The following CEP192 variants were observed in gnomAD, a reference collection of about 807,000 sequenced individuals.
CEP192 encodes centrosomal protein 192, also known as centrosomal protein of 192 kDa.
In CEP192, 151 loss-of-function variants were observed where a neutral mutation model predicts 271.8. The observed-to-expected ratio is 0.56, with a 90% CI of 0.49 to 0.64. CEP192 has a LOEUF of 0.64. Ranked by LOEUF, CEP192 falls within the 30% of genes least tolerant of loss-of-function variation. The pLI is 0.00. For missense variants in CEP192, 2,910 were observed against 3,020.5 expected, an observed-to-expected ratio of 0.96 and a Z score of 0.86; for synonymous variants, 995 against 1,076.5, an observed-to-expected ratio of 0.92 and a Z score of 1.48.
At chr18:13,098,397 G>A (rs2039522608) in intron 36 of CEP192, among the ~76,000 whole-genome samples, 1 of 151,992 alleles carries the variant, frequency 6.6e-6, no homozygotes, top group Non-Finnish European at 1.5e-5. Flanking sequence ...GCGGCTGCCG[G>A]GCGGAGGGGC....
chr18:13,096,280 C>T lies in CEP192; in HGVS notation c.6530C>T (p.Thr2177Met), dbSNP rs138769507. 17 of 1,613,876 alleles carry T rather than the reference C, an allele frequency of 1.1e-5. No individual in the cohort carries two copies. The highest frequency in any genetic ancestry group is 1.7e-4 in the Middle Eastern group (1 of 6,058). The change falls in exon 36 of 45, where the codon ACG becomes ATG. Residue 2177 changes from threonine to methionine, a missense_variant. Transcript: ENST00000506447. ...TGGCCAGCGCATTGCCTCACAGTCA[C>T]GCCGCAGCATGGATGTGTCGCGCCA... is the stretch of plus-strand genomic sequence containing the variant. ...LCWPAHCLTV[T>M]PQHGCVAPES... is the part of the protein sequence containing the mutation.
At chr18:13,077,885 A>G (rs772132483) in intron 30 of CEP192, among the ~76,000 whole-genome samples, 75 of 152,200 alleles carry the variant, frequency 4.9e-4, no homozygotes, top group Non-Finnish European at 3.4e-4. Flanking sequence ...ACATTTTGCT[A>G]TATTTCTTCT....
chr18:13,064,630 AG>A (rs1229512693), intron 21 of CEP192, among the ~76,000 whole-genome samples: 1 of 150,056 alleles, frequency 6.7e-6, no homozygotes, highest in Non-Finnish European at 1.5e-5. Flanking sequence ...AAAAAAAAAA[AG>A]AGTTGACTGT....
intron 40 of CEP192, among the ~76,000 whole-genome samples, chr18:13,107,310 A>G (rs1385057694): frequency 6.6e-6 from 1 of 152,232 alleles, no homozygotes; most frequent in Non-Finnish European, 1.5e-5. Context: ...AGGCTGAGCA[A>G]TACAGTGAGA....
chr18:13,011,635 G>A (rs1389949699), intron 4 of CEP192, among the ~76,000 whole-genome samples: 2 of 152,074 alleles, frequency 1.3e-5, no homozygotes, highest in East Asian at 3.9e-4. Flanking sequence ...TCCTGCCTCA[G>A]CCTCGCAAGT....
rs572568165 is a variant in CEP192, at chr18:13,016,843, A to C, written c.641-345A>C. Among the ~76,000 whole-genome samples the C allele has an allele frequency of 3.9e-5, 6 of 152,102 alleles. No individual in the cohort carries two copies. In the East Asian group the frequency reaches 1.2e-3, roughly 29 times the overall value. ...TACTTCTCCTGTGATAGGCTCATCT[A>C]TACTTTTTTGAAAGAGGTAACCATT... On this transcript the variant is annotated intron_variant, in intron 6 of 44. Coordinates refer to ENST00000506447, the MANE Select transcript of CEP192 (RefSeq NM_032142.4).
At chr18:13,116,541 C>G (rs770906313) in intron 43 of CEP192, 38 bp downstream of exon 43, 1 of 1,540,604 alleles carries the variant, frequency 6.5e-7, no homozygotes, top group South Asian at 1.2e-5. Context: ...TGGAAAAATA[C>G]ATGCATTCAA....
rs761507968 is a variant in CEP192, at chr18:13,071,133, G to A, written c.5269G>A (p.Gly1757Arg). 1 of 1,614,082 alleles carries A rather than the reference G, an allele frequency of 6.2e-7. No homozygotes were observed. The highest frequency in any genetic ancestry group is 8.5e-7 in the Non-Finnish European group (1 of 1,179,958). Residue 1757 changes from glycine (G) to arginine (R), a missense_variant, in exon 28 of 45, where the codon GGA becomes AGA. By Grantham distance (125) the Gly-to-Arg change is moderately radical. Coordinates refer to ENST00000506447, the MANE Select transcript of CEP192 (RefSeq NM_032142.4). Reference protein sequence around the residue: ...ISSGSKPLSPGPCLDIPSILS... With the variant: ...ISSGSKPLSPRPCLDIPSILS... ...TTCAGGAAGTAAACCTCTGTCACCTGGACCTTGCTTAGATATTCCATCGAT... is the reference window on the plus strand; with the variant it reads ...TTCAGGAAGTAAACCTCTGTCACCTAGACCTTGCTTAGATATTCCATCGAT...
intron 21 of CEP192, among the ~76,000 whole-genome samples, chr18:13,060,249 G>C (rs2037336365): frequency 6.6e-6 from 1 of 152,138 alleles, no homozygotes; most frequent in Non-Finnish European, 1.5e-5. Context: ...GCTTGTTACT[G>C]TACTTAATAC....
At chr18:12,999,965 A>G (rs12605081) in intron 2 of CEP192, among the ~76,000 whole-genome samples, 87,956 of 151,208 alleles carry the variant, frequency 0.58, 25,839 homozygotes, top group East Asian at 0.68. Flanking sequence ...GTACCTCTTG[A>G]CATCAAGGGG....
chr18:13,088,956 G>T (rs2039017833), intron 32 of CEP192: 1 of 415,370 alleles, frequency 2.4e-6, no homozygotes, highest in South Asian at 1.8e-5. Context: ...TCAGCGTATT[G>T]TTTTCAAACT....
chr18:13,107,571 G>A (rs535461983), intron 40 of CEP192, among the ~76,000 whole-genome samples: 20 of 152,234 alleles, frequency 1.3e-4, no homozygotes, highest in Non-Finnish European at 2.2e-4. Flanking sequence ...AGACAAAAGT[G>A]GCTATCCTTT....
At position 13,053,087 on chromosome 18, in the gene CEP192, C is replaced by T; in HGVS notation, c.3186C>T (p.Arg1062=). 1.3e-6 allele frequency: 2 copies of T among 1,599,854 alleles called. No homozygotes were observed. The highest frequency in any genetic ancestry group is 8.5e-7 in the Non-Finnish European group (1 of 1,173,214). The change falls in exon 18 of 45, where the codon CGC becomes CGT. Residue 1062 remains arginine (R), a synonymous_variant. Transcript: ENST00000506447. The part of the protein sequence containing the change: ...TTATDDALED[R]KSDITSELST... ...CCACAGATGATGCCCTGGAGGACCG[C>T]AAGGTGGGCAGCCACTTGGATTATT...
Position 13,030,450 on chromosome 18 carries a change from A to G in CEP192, c.1391-15A>G. 1.3e-6 allele frequency: 2 copies of G among 1,537,056 alleles called. No homozygotes were observed. The highest frequency in any genetic ancestry group is 1.8e-6 in the Non-Finnish European group (2 of 1,141,040). ...TACATGTGTCATTTGATATTTTGGGAATTTTATTTTTTAGAAACAGATCTC... is the reference window on the plus strand; with the variant it reads ...TACATGTGTCATTTGATATTTTGGGGATTTTATTTTTTAGAAACAGATCTC... On this transcript the variant is annotated splice_polypyrimidine_tract_variant and intron_variant, in intron 10 of 44. Coordinates refer to ENST00000506447, the MANE Select transcript of CEP192 (RefSeq NM_032142.4).
At chr18:13,105,207 G>A (rs917572928) in intron 40 of CEP192, 128 bp downstream of exon 40, 1 of 699,742 alleles carries the variant, frequency 1.4e-6, no homozygotes. Flanking sequence ...GCACACGAGA[G>A]AAGAGTCTGC....
intron 11 of CEP192, among the ~76,000 whole-genome samples, chr18:13,035,411 G>T (rs2143678500): frequency 6.6e-6 from 1 of 152,266 alleles, no homozygotes; most frequent in African/African-American, 2.4e-5. Flanking sequence ...TTACATGGCG[G>T]CAGCAAGAGA....
chr18:13,011,454 G>A (rs74345936), intron 4 of CEP192, among the ~76,000 whole-genome samples: 304 of 152,182 alleles, frequency 2.0e-3, no homozygotes, highest in African/African-American at 6.8e-3. Context: ...ATGTGACTCC[G>A]CATTTGCACT....
intron 11 of CEP192, among the ~76,000 whole-genome samples, chr18:13,031,962 C>A (rs2073971689): frequency 6.6e-6 from 1 of 152,074 alleles, no homozygotes; most frequent in South Asian, 2.1e-4. Flanking sequence ...GTGTGGCCAG[C>A]CTTTATGGCA....
At chr18:13,084,494 G>C (rs928536807) in intron 30 of CEP192, among the ~76,000 whole-genome samples, 2 of 152,162 alleles carry the variant, frequency 1.3e-5, no homozygotes, top group Non-Finnish European at 2.9e-5. Context: ...ACAGTATTTG[G>C]GCGGGATTGT....
Sources: gnomAD v4.1 joint callset for allele counts (sites outside exome capture counted in the v4.1 genomes callset) on GRCh38, gnomAD v4.1.1 for gene constraint, MANE v1.5 for transcripts, NCBI Gene and HGNC (gene_info 2026-07-23, HGNC 2026-07-21) for gene names.